Variants in NT5C3B observed in about 807,000 individuals in gnomAD.
The protein encoded by NT5C3B is 7-methylguanosine phosphate-specific 5'-nucleotidase.
In NT5C3B, 28 loss-of-function variants were observed where a neutral mutation model predicts 32.5. That is an observed-to-expected ratio of 0.86 (90% CI 0.64 to 1.18). The LOEUF (loss-of-function observed/expected upper bound fraction) is 1.18, where lower values mean the gene tolerates loss of function less well. Ranked by LOEUF, NT5C3B falls within the 50% of genes most tolerant of loss-of-function variation. The probability of loss-of-function intolerance (pLI) is 0.00; values close to 1 mark genes in which losing one functional copy is unlikely to be tolerated. For synonymous variants in NT5C3B, 138 were observed against 118.0 expected (o/e 1.17, Z -1.10); for missense variants, 317 against 322.0 (o/e 0.98, Z 0.12).
intron 8 of NT5C3B, among the ~76,000 whole-genome samples, chr17:41,826,739 G>A (rs1391134580): frequency 3.3e-5 from 5 of 152,062 alleles, no homozygotes; most frequent in South Asian, 4.1e-4. Context: ...GGTGGATCAT[G>A]CCTATAATCC....
In NT5C3B at chr17:41,827,771, T is replaced by C. The variant is rs548633562; in HGVS notation, c.568-145A>G. Reference sequence around the variant, plus strand: ...TCACTGTAGCCTAAACTACGGCCCATGGGCCAGACTTGGCCTGCTTTTGTA... The same window carrying C: ...TCACTGTAGCCTAAACTACGGCCCACGGGCCAGACTTGGCCTGCTTTTGTA... On this transcript the variant is annotated intron_variant, in intron 7 of 8. Transcript: ENST00000435506. 6.8e-5 allele frequency: 42 copies of C among 618,056 alleles called. No homozygotes were observed. In the South Asian group the frequency reaches 8.1e-4, roughly 12 times the overall value. 38.3% of individuals were successfully genotyped at this position (618,056 alleles called of 1,614,324 possible).
At chr17:41,836,125 C>A (rs1292333332) in intron 1 of NT5C3B, 57 bp downstream of exon 1, 1 of 1,324,320 alleles carries the variant, frequency 7.6e-7, no homozygotes. Context: ...GGGCTCGAAG[C>A]GCCCCGGGGG....
At chr17:41,829,356 T>A (rs1299491838) in intron 6 of NT5C3B, among the ~76,000 whole-genome samples, 1 of 152,064 alleles carries the variant, frequency 6.6e-6, no homozygotes, top group Non-Finnish European at 1.5e-5. Context: ...CAAGACTCCA[T>A]CTCAAAAAAT....
chr17:41,826,632 G>A (rs1377568369), intron 8 of NT5C3B, among the ~76,000 whole-genome samples: 2 of 151,902 alleles, frequency 1.3e-5, no homozygotes, highest in African/African-American at 2.4e-5. Flanking sequence ...AGCCGAGATC[G>A]TGCCACTGCA....
Position 41,836,185 on chromosome 17 carries a change from C to T in NT5C3B, c.9G>A (p.Glu3=). ...CGGACGCTTCCTCCCTCCTCACCTC[C>T]TCTGCCATCCCGTTCGAGGCCTGGT... MA[E]EVSTLMKATV... Residue 3 remains glutamate, a synonymous_variant, in exon 1 of 9, where the codon GAG becomes GAA. Coordinates refer to ENST00000435506, the MANE Select transcript of NT5C3B (RefSeq NM_052935.5). 7 of 1,261,750 alleles carry T rather than the reference C, an allele frequency of 5.5e-6. No homozygotes were observed. Among genetic ancestry groups the T allele is most frequent in the Non-Finnish European group, 7.0e-6 (7 of 1,006,264 alleles). 78.2% of individuals were successfully genotyped at this position (1,261,750 alleles called of 1,614,324 possible).
At position 41,832,327 on chromosome 17, in the gene NT5C3B, A is replaced by G. The variant is rs2048064827; in HGVS notation, c.314+65T>C. On this transcript the variant is annotated intron_variant, in intron 5 of 8. Coordinates refer to ENST00000435506, the MANE Select transcript of NT5C3B (RefSeq NM_052935.5). ...GTCATCTCATCAAGGGTCTGGAAAA[A>G]TATGCCCCTCCCAGCCTACTCCATC... 3 of 1,378,710 alleles carry G rather than the reference A, an allele frequency of 2.2e-6. No homozygotes were observed. In the South Asian group the frequency reaches 3.5e-5, roughly 16 times the overall value. 85.4% of individuals were successfully genotyped at this position (1,378,710 alleles called of 1,614,324 possible).
intron 7 of NT5C3B, 61 bp from the exon 8 acceptor site, chr17:41,827,687 T>C: frequency 2.6e-6 from 2 of 766,310 alleles, no homozygotes; most frequent in South Asian, 2.9e-5. Context: ...GCACCAGCTC[T>C]CCACTGTCTC....
chr17:41,835,008 T>A, intron 4 of NT5C3B, 62 bp downstream of exon 4: 1 of 1,490,540 alleles, frequency 6.7e-7, no homozygotes, highest in South Asian at 1.1e-5. Flanking sequence ...TTGGTTCCAA[T>A]CAGGAACCAT....
At position 41,834,393 on chromosome 17, in the gene NT5C3B, T is replaced by TAC. The variant is rs56965181; in HGVS notation, c.228+675_228+676dup. On this transcript the variant is annotated intron_variant, in intron 4 of 8. Transcript: ENST00000435506. Reference sequence around the variant, plus strand: ...CAAGACTCTGTCTCAAAAAAAAAAATACACACACACACACACACACACACA... The same window carrying TAC: ...CAAGACTCTGTCTCAAAAAAAAAAATACACACACACACACACACACACACACA... Among the ~76,000 whole-genome samples the TAC allele has an allele frequency of 4.7e-3, 662 of 139,736 alleles. 2 individuals are homozygous for TAC. Among genetic ancestry groups the TAC allele is most frequent in the Middle Eastern group, 0.011 (3 of 272 alleles). The allele number at this position is 139,736 out of a possible 152,430, so 91.7% of individuals were successfully genotyped here. A position where few individuals can be genotyped will look rare whatever the true frequency, so the allele number is the denominator to read the frequency against.
chr17:41,835,160 T>A (rs1555619647), intron 3 of NT5C3B, 43 bp downstream of exon 3: 17 of 1,613,602 alleles, frequency 1.1e-5, no homozygotes, highest in Non-Finnish European at 1.4e-5. Flanking sequence ...TTAGAACCCA[T>A]CGTCTTGTCA....
At chr17:41,829,011 C>T in intron 6 of NT5C3B, 59 bp from the exon 7 acceptor site, 2 of 1,514,072 alleles carry the variant, frequency 1.3e-6, no homozygotes, top group South Asian at 2.5e-5. Flanking sequence ...TCTTTGTTTC[C>T]TATTTGGGTT....
chr17:41,834,393 TACACACACACACAC>T (rs56965181), intron 4 of NT5C3B, among the ~76,000 whole-genome samples: 7 of 139,716 alleles, frequency 5.0e-5, no homozygotes, highest in African/African-American at 1.6e-4. Context: ...AAAAAAAAAA[TACACACACACACAC>T]ACACACACAC....
Position 41,828,908 on chromosome 17 carries a change from A to G in NT5C3B, c.449T>C (p.Ile150Thr). ...GCCCGCAGAAAAGATGAAAAGGGGA[A>G]TGTTGTTATGGTAGAGTGTGTTGAA... ...TFFNTLYHNNIPLFIFSAGIG... is the reference protein window; with the variant it reads ...TFFNTLYHNNTPLFIFSAGIG... The change falls in exon 7 of 9, where the codon ATT (isoleucine) becomes ACT (threonine). Residue 150 changes from isoleucine (I) to threonine (T), a missense_variant. Transcript: ENST00000435506. 6.2e-7 allele frequency: 1 copy of G among 1,614,036 alleles called. No individual in the cohort carries two copies.
chr17:41,830,136 C>T (rs1285538762), intron 6 of NT5C3B, among the ~76,000 whole-genome samples: 1 of 152,206 alleles, frequency 6.6e-6, no homozygotes, highest in African/African-American at 2.4e-5. Flanking sequence ...GATCAAGCGT[C>T]CCAGCCTAGC....
intron 4 of NT5C3B, among the ~76,000 whole-genome samples, chr17:41,833,611 ACCCGG>A (rs1443436804): frequency 1.3e-5 from 2 of 152,110 alleles, no homozygotes; most frequent in African/African-American, 4.8e-5. Flanking sequence ...GAACCACCAC[ACCCGG>A]CCTGTTTCTT....
intron 5 of NT5C3B, among the ~76,000 whole-genome samples, chr17:41,831,410 C>T (rs533467520): frequency 2.0e-5 from 3 of 151,932 alleles, no homozygotes; most frequent in Non-Finnish European, 4.4e-5. Context: ...CGGCACTCTT[C>T]TGAATCCCTT....
chr17:41,836,209 G>A lies in NT5C3B; in HGVS notation c.-16C>T. On this transcript the variant is annotated 5_prime_UTR_variant, in exon 1 of 9. Coordinates refer to ENST00000435506, the MANE Select transcript of NT5C3B (RefSeq NM_052935.5). ...CCTCTGCCATCCCGTTCGAGGCCTG[G>A]TCGGCGGCTCGCGGGACAACGACAG... The A allele has an allele frequency of 8.0e-7, 1 of 1,242,246 alleles. No homozygotes were observed. Among genetic ancestry groups the A allele is most frequent in the East Asian group, 3.2e-5 (1 of 31,498 alleles). 77.0% of individuals were successfully genotyped at this position (1,242,246 alleles called of 1,614,324 possible).
chr17:41,829,786 C>T (rs2048022731), intron 6 of NT5C3B, among the ~76,000 whole-genome samples: 1 of 152,158 alleles, frequency 6.6e-6, no homozygotes, highest in Non-Finnish European at 1.5e-5. Flanking sequence ...CATGAATACC[C>T]TGTGCATGTC....
intron 1 of NT5C3B, 75 bp from the exon 2 acceptor site, chr17:41,836,032 C>G: frequency 6.9e-7 from 1 of 1,442,530 alleles, no homozygotes; most frequent in South Asian, 1.4e-5. Context: ...CTCGCTCGGG[C>G]GCGCGTGTGA....
Sources: gnomAD v4.1 joint callset for allele counts (sites outside exome capture counted in the v4.1 genomes callset) on GRCh38, gnomAD v4.1.1 for gene constraint, MANE v1.5 for transcripts, NCBI Gene and HGNC (gene_info 2026-07-23, HGNC 2026-07-21) for gene names.